The following PAPPA variants were observed in gnomAD, a reference collection of about 807,000 sequenced individuals.
PAPPA encodes pappalysin 1, also known as pappalysin-1.
A neutral mutation model predicts 164.0 loss-of-function variants in PAPPA; 60 were observed. That is an observed-to-expected ratio of 0.37 (90% CI 0.30 to 0.45). The LOEUF is 0.45. Ranked by LOEUF, PAPPA falls within the 20% of genes least tolerant of loss-of-function variation. The pLI, the probability that PAPPA is intolerant of heterozygous loss-of-function variation, is 1.00. For synonymous variants in PAPPA, 875 were observed against 814.1 expected (o/e 1.07, Z -1.27); for missense variants, 1,782 against 2,087.3 (o/e 0.85, Z 2.85).
chr9:116,200,608 T>G (rs2118660036), intron 2 of PAPPA, among the ~76,000 whole-genome samples: 2 of 152,364 alleles, frequency 1.3e-5, no homozygotes, highest in Middle Eastern at 3.4e-3. Context: ...ATGGTAGTGT[T>G]ATTAATGTTA....
Position 116,341,756 on chromosome 9 carries a change from G to A in PAPPA, c.3612-2787G>A, listed in dbSNP as rs965251351. On this transcript the variant is annotated intron_variant, in intron 13 of 21. Coordinates refer to ENST00000328252, the MANE Select transcript of PAPPA (RefSeq NM_002581.5). ...TCAGTAAAGCCCCCAGTGAAGGTCT[G>A]TTGAATAGACGAATCAGTGGATGAT... Among the ~76,000 whole-genome samples, 6 of 152,354 alleles carry A rather than the reference G, an allele frequency of 3.9e-5. No homozygotes were observed. The South Asian group carries it at 1.0e-3, about 26-fold the overall frequency.
chr9:116,379,127 A>G (rs1282991533), intron 20 of PAPPA, among the ~76,000 whole-genome samples: 3 of 152,104 alleles, frequency 2.0e-5, no homozygotes, highest in African/African-American at 7.2e-5. Flanking sequence ...CCCTCCTTGG[A>G]CTCAGCAGTG....
At chr9:116,374,179 A>G (rs1191039766) in intron 19 of PAPPA, among the ~76,000 whole-genome samples, 62 of 115,734 alleles carry the variant, frequency 5.4e-4, no homozygotes, top group South Asian at 3.1e-3. Context: ...GTTGATGATG[A>G]TGATGGTGGT....
intron 2 of PAPPA, among the ~76,000 whole-genome samples, chr9:116,196,234 C>T (rs559613364): frequency 6.6e-6 from 1 of 152,340 alleles, no homozygotes; most frequent in East Asian, 1.9e-4. Flanking sequence ...GGTCCTCCTT[C>T]TTTCATCCCT....
intron 1 of PAPPA, among the ~76,000 whole-genome samples, chr9:116,170,094 A>C (rs1009108115): frequency 6.6e-6 from 1 of 152,130 alleles, no homozygotes; most frequent in Non-Finnish European, 1.5e-5. Flanking sequence ...GAGGTTGTGC[A>C]TATTTTTCTG....
intron 2 of PAPPA, among the ~76,000 whole-genome samples, chr9:116,199,040 A>T (rs920397617): frequency 1.5e-4 from 23 of 152,158 alleles, no homozygotes; most frequent in African/African-American, 5.3e-4. Context: ...ATTTAAAAGT[A>T]ATGTTGAAAA....
At chr9:116,156,356 A>G (rs1279701845) in intron 1 of PAPPA, among the ~76,000 whole-genome samples, 2 of 136,364 alleles carry the variant, frequency 1.5e-5, no homozygotes, top group Admixed American at 7.2e-5. Flanking sequence ...ATGTATATAT[A>G]TATATATAAC....
At position 116,344,569 on chromosome 9, in the gene PAPPA, C is replaced by T; in HGVS notation, c.3638C>T (p.Thr1213Ile). Reference sequence around the variant, plus strand: ...TGCGTGCACTTCGCATGTGAGAAAACTGACTGTCCAGAGCTGGCTGTGGAG... The same window carrying T: ...TGCGTGCACTTCGCATGTGAGAAAATTGACTGTCCAGAGCTGGCTGTGGAG... ...QSCVHFACEK[T>I]DCPELAVENA... The change falls in exon 14 of 22, where the codon ACT becomes ATT. Residue 1213 changes from threonine to isoleucine, a missense_variant. By Grantham distance (89) the Thr-to-Ile change is moderately conservative. Coordinates refer to ENST00000328252, the MANE Select transcript of PAPPA (RefSeq NM_002581.5). 3.1e-6 allele frequency: 5 copies of T among 1,613,824 alleles called. No individual in the cohort carries two copies. The highest frequency in any genetic ancestry group is 4.2e-6 in the Non-Finnish European group (5 of 1,179,720).
intron 4 of PAPPA, among the ~76,000 whole-genome samples, chr9:116,215,032 A>G (rs1170284681): frequency 6.6e-6 from 1 of 152,240 alleles, no homozygotes; most frequent in Non-Finnish European, 1.5e-5. Context: ...GAAACTGCTT[A>G]CAAGCCTAAA....
chr9:116,215,094 T>C (rs1226429001), intron 4 of PAPPA, among the ~76,000 whole-genome samples: 1 of 152,158 alleles, frequency 6.6e-6, no homozygotes, highest in Non-Finnish European at 1.5e-5. Flanking sequence ...TAGGATATTA[T>C]AGGGCCACTA....
At chr9:116,242,247 G>T (rs1449020300) in intron 7 of PAPPA, among the ~76,000 whole-genome samples, 1 of 152,174 alleles carries the variant, frequency 6.6e-6, no homozygotes, top group Non-Finnish European at 1.5e-5. Flanking sequence ...CTTCTTGGAA[G>T]AAGTGACATG....
At chr9:116,189,810 C>A (rs73525813) in intron 2 of PAPPA, among the ~76,000 whole-genome samples, 2,905 of 152,300 alleles carry the variant, frequency 0.019, 104 homozygotes, top group African/African-American at 0.066. Context: ...CTCTTTATGT[C>A]TCTCTCAAAA....
intron 21 of PAPPA, among the ~76,000 whole-genome samples, chr9:116,390,293 A>C (rs952175007): frequency 6.6e-6 from 1 of 152,142 alleles, no homozygotes; most frequent in African/African-American, 2.4e-5. Flanking sequence ...AGGACCAGAG[A>C]TAGGGGTGGG....
At chr9:116,319,144 C>T (rs887065878) in intron 10 of PAPPA, among the ~76,000 whole-genome samples, 8 of 152,136 alleles carry the variant, frequency 5.3e-5, no homozygotes, top group African/African-American at 1.4e-4. Flanking sequence ...CGGGCCTGGG[C>T]GACTAGTGAA....
chr9:116,227,577 T>C (rs757985500), intron 6 of PAPPA, 25 bp downstream of exon 6: 4 of 1,612,950 alleles, frequency 2.5e-6, no homozygotes, highest in African/African-American at 1.3e-5. Flanking sequence ...TGGAAGCTCA[T>C]TGACAGGAGG....
At chr9:116,222,823 C>T (rs567374623) in intron 5 of PAPPA, among the ~76,000 whole-genome samples, 21 of 152,226 alleles carry the variant, frequency 1.4e-4, no homozygotes, top group Admixed American at 2.6e-4. Context: ...ATATTTCAAA[C>T]TTGTGAAAAG....
chr9:116,238,713 C>T (rs997383782), intron 7 of PAPPA, among the ~76,000 whole-genome samples: 7 of 152,286 alleles, frequency 4.6e-5, no homozygotes, highest in Admixed American at 6.5e-5. Context: ...AGGCTTTCAT[C>T]GGCCTTCCTC....
chr9:116,257,163 A>T (rs1844937704), intron 7 of PAPPA, among the ~76,000 whole-genome samples: 1 of 152,018 alleles, frequency 6.6e-6, no homozygotes, highest in Non-Finnish European at 1.5e-5. Flanking sequence ...AATGTTAAAG[A>T]GGTGACTTTA....
chr9:116,369,586 G>C (rs1373964106), intron 19 of PAPPA, among the ~76,000 whole-genome samples: 1 of 152,146 alleles, frequency 6.6e-6, no homozygotes, highest in African/African-American at 2.4e-5. Context: ...TCTCACCCCA[G>C]TATCAGAGAT....
Sources: allele counts gnomAD v4.1 joint callset (sites outside exome capture counted in the v4.1 genomes callset), GRCh38; gene constraint gnomAD v4.1.1; transcripts MANE v1.5; gene names NCBI Gene and HGNC (gene_info 2026-07-23, HGNC 2026-07-21).